Variants in RPS3A observed in about 807,000 individuals in gnomAD.
RPS3A encodes small ribosomal subunit protein eS1.
Under a neutral mutation model 26.4 loss-of-function variants are expected in RPS3A, and 1 was observed. The ratio of observed to expected loss-of-function variants is 0.04; its 90% CI spans 0.01 to 0.18. RPS3A has a LOEUF of 0.18. Among genes scored for constraint, RPS3A ranks in the 10% least tolerant of loss-of-function variants. The pLI is 1.00. For missense variants in RPS3A, 139 were observed against 326.8 expected, an observed-to-expected ratio of 0.43 and a Z score of 4.43; for synonymous variants, 97 against 106.1, an observed-to-expected ratio of 0.91 and a Z score of 0.53.
intron 3 of RPS3A, among the ~76,000 whole-genome samples, 175 bp downstream of exon 3, chr4:151,101,337 G>A (rs893013798): frequency 6.6e-6 from 1 of 152,178 alleles, no homozygotes; most frequent in Non-Finnish European, 1.5e-5. Context: ...TAACTCTGGG[G>A]TTGCCACACC....
intron 1 of RPS3A, 137 bp downstream of exon 1, chr4:151,099,851 G>A (rs994621354): frequency 6.4e-6 from 6 of 936,154 alleles, no homozygotes; most frequent in Admixed American, 2.0e-5. Flanking sequence ...GTGCACCCAG[G>A]AACGCGGCCT....
At chr4:151,101,847 C>T (rs914343935) in intron 3 of RPS3A, among the ~76,000 whole-genome samples, 1 of 152,124 alleles carries the variant, frequency 6.6e-6, no homozygotes, top group Non-Finnish European at 1.5e-5. Context: ...ATTCTCATGC[C>T]TCAGCCTCCC....
rs781597345 is a variant in RPS3A, at chr4:151,104,211, G to C, written c.598G>C (p.Ala200Pro). 1.9e-6 allele frequency: 3 copies of C among 1,611,950 alleles called. No homozygotes were observed. Among genetic ancestry groups the C allele is most frequent in the African/African-American group, 1.3e-5 (1 of 74,818 alleles). The change falls in exon 5 of 6, where the codon GCT becomes CCT. Residue 200 changes from alanine to proline, a missense_variant. Ala to Pro is a conservative substitution (Grantham distance 27). Around this residue, in one of 3 missense-constraint regions of RPS3A, gnomAD observed 96 missense variants for 209.8 expected, o/e 0.46. Transcript: ENST00000274065. The stretch of plus-strand genomic sequence containing the variant: ...CAGCATTGGAAAAGACATAGAAAAG[G>C]CTTGCCAATCTATTTATCCTCTCCA... ...PDSIGKDIEK[A>P]CQSIYPLHDV...
At chr4:151,104,424 AC>A in intron 5 of RPS3A, 47 bp from the exon 6 acceptor site, 1 of 1,460,504 alleles carries the variant, frequency 6.8e-7, no homozygotes, top group Non-Finnish European at 9.0e-7. Context: ...TTCAAGATAT[AC>A]TAACAGTTTT....
intron 5 of RPS3A, 26 bp from the exon 6 acceptor site, chr4:151,104,446 T>TG: frequency 1.5e-6 from 2 of 1,366,376 alleles, no homozygotes; most frequent in Non-Finnish European, 9.5e-7. Flanking sequence ...TTGGTTTTTT[T>TG]TTTTTTTTTT....
chr4:151,100,779 T>A (rs1006262073), intron 2 of RPS3A, among the ~76,000 whole-genome samples, 191 bp downstream of exon 2: 1 of 152,184 alleles, frequency 6.6e-6, no homozygotes, highest in Non-Finnish European at 1.5e-5. Context: ...GCTTTTTGAA[T>A]TAAGAAAATG....
intron 4 of RPS3A, 71 bp from the exon 5 acceptor site, chr4:151,104,106 C>T: frequency 6.8e-7 from 1 of 1,474,798 alleles, no homozygotes; most frequent in Non-Finnish European, 9.0e-7. Context: ...GGCTTCTCTA[C>T]TTTTAAAGGA....
rs191265801 is a variant in RPS3A at position 151,103,877 on chromosome 4, C to T, written c.564-300C>T. 8 of 1,432,158 alleles carry T rather than the reference C, an allele frequency of 5.6e-6. No individual in the cohort carries two copies. The South Asian group carries it at 6.8e-5, about 12-fold the overall frequency. The allele number at this position is 1,432,158 out of a possible 1,614,324, so 88.7% of individuals were successfully genotyped here. On this transcript the variant is annotated intron_variant, in intron 4 of 5. Transcript: ENST00000274065. ...CCCAGATGATGGCCAGTGATAACAA[C>T]ATTTTTCTGATGTTCCCATGCAATA...
intron 4 of RPS3A, chr4:151,103,742 TA>T: frequency 1.7e-6 from 2 of 1,159,172 alleles, no homozygotes; most frequent in East Asian, 6.2e-5. Context: ...TCCCAAAAAA[TA>T]AAAAATATAC....
rs373132158 is a variant in RPS3A, at chr4:151,099,640, T to C, written c.-13T>C. On this transcript the variant is annotated 5_prime_UTR_variant, in exon 1 of 6. Coordinates refer to ENST00000274065, the MANE Select transcript of RPS3A (RefSeq NM_001006.5). The stretch of plus-strand genomic sequence containing the variant: ...ACTCCCACTTCCGCCCTTTTGGCTC[T>C]CTGACCAGCACCATGGCGGTTGGCA... The C allele has an allele frequency of 6.2e-7, 1 of 1,613,478 alleles. No individual in the cohort carries two copies. The highest frequency in any genetic ancestry group is 1.1e-5 in the South Asian group (1 of 90,976).
intron 1 of RPS3A, chr4:151,099,983 C>G: frequency 1.5e-6 from 1 of 651,806 alleles, no homozygotes; most frequent in Non-Finnish European, 2.8e-6. Context: ...TTTGTGGGCT[C>G]ACGAGCTGCC....
rs888445822 is a variant in RPS3A at position 151,100,072 on chromosome 4, A to G, written c.62+358A>G. On this transcript the variant is annotated intron_variant, in intron 1 of 5. Coordinates refer to ENST00000274065, the MANE Select transcript of RPS3A (RefSeq NM_001006.5). Reference sequence around the variant, plus strand: ...CCTTCTATCCATTCAGGACCCGTCAATCTCGCCTTTGCTTGGTCCCGCTGG... The same window carrying G: ...CCTTCTATCCATTCAGGACCCGTCAGTCTCGCCTTTGCTTGGTCCCGCTGG... 101 of 545,596 alleles carry G rather than the reference A, an allele frequency of 1.9e-4. 1 individual carries two copies. The highest frequency in any genetic ancestry group is 1.4e-3 in the East Asian group (31 of 22,242). The allele number at this position is 545,596 out of a possible 1,614,324, so 33.8% of individuals were successfully genotyped here. A position where few individuals can be genotyped will look rare whatever the true frequency, so the allele number is the denominator to read the frequency against.
intron 1 of RPS3A, 73 bp from the exon 2 acceptor site, chr4:151,100,412 A>T: frequency 3.5e-6 from 3 of 845,948 alleles, no homozygotes; most frequent in Non-Finnish European, 5.9e-6. Context: ...TATTAATGGG[A>T]AATACCATTA....
rs1362550034 is a variant in RPS3A at position 151,103,613 on chromosome 4, C to G, written c.563+534C>G. On this transcript the variant is annotated intron_variant, in intron 4 of 5. Transcript: ENST00000274065. ...GTTTTTCCCCTACTTGGAAAATACA[C>G]TGAATAAGTTGAGTGGGGTGGGATG... 8 of 1,050,662 alleles carry G rather than the reference C, an allele frequency of 7.6e-6. No individual in the cohort carries two copies. In the South Asian group the frequency reaches 2.0e-4, roughly 26 times the overall value. The allele number at this position is 1,050,662 out of a possible 1,614,324, so 65.1% of individuals were successfully genotyped here. A position where few individuals can be genotyped will look rare whatever the true frequency, so the allele number is the denominator to read the frequency against.
intron 2 of RPS3A, 39 bp from the exon 3 acceptor site, chr4:151,100,936 G>A: frequency 6.9e-7 from 1 of 1,447,670 alleles, no homozygotes; most frequent in Non-Finnish European, 9.4e-7. Flanking sequence ...TGCTTATATG[G>A]TTCCTAAATG....
At position 151,104,530 on chromosome 4, in the gene RPS3A, C is replaced by T. The variant is rs1325002872; in HGVS notation, c.732C>T (p.Asp244=). ...EGSSSGKATG[D]ETGAKVERAD... ...GTAGTTCTGGAAAAGCCACTGGGGA[C>T]GAGACAGGTGCTAAAGTTGAACGAG... is the stretch of plus-strand genomic sequence containing the variant. The change falls in exon 6 of 6, where the codon GAC becomes GAT. Residue 244 remains aspartate, a synonymous_variant. Transcript: ENST00000274065. 9 of 1,496,878 alleles carry T rather than the reference C, an allele frequency of 6.0e-6. No individual in the cohort carries two copies. The Admixed American group carries it at 6.7e-5, about 11-fold the overall frequency. 92.7% of individuals were successfully genotyped at this position (1,496,878 alleles called of 1,614,324 possible).
chr4:151,104,111 A>T, intron 4 of RPS3A, 66 bp from the exon 5 acceptor site: 1 of 1,451,418 alleles, frequency 6.9e-7, no homozygotes, highest in Non-Finnish European at 9.1e-7. Flanking sequence ...CTCTACTTTT[A>T]AAGGAAATGG....
At chr4:151,104,392 G>C (rs1327126991) in intron 5 of RPS3A, 80 bp from the exon 6 acceptor site, 3 of 1,456,176 alleles carry the variant, frequency 2.1e-6, no homozygotes, top group Non-Finnish European at 2.7e-6. Context: ...TGTCATGCTT[G>C]CATAGTAGTG....
chr4:151,104,011 A>C, intron 4 of RPS3A, 166 bp from the exon 5 acceptor site: 2 of 1,497,072 alleles, frequency 1.3e-6, no homozygotes, highest in South Asian at 1.3e-5. Context: ...TATCCTTTAC[A>C]TGTGAAAGGT....
Sources: gnomAD v4.1 joint callset for allele counts (sites outside exome capture counted in the v4.1 genomes callset) on GRCh38, gnomAD v4.1.1 for gene constraint, gnomAD v4.1.1 regional missense constraint, MANE v1.5 for transcripts, NCBI Gene and HGNC (gene_info 2026-07-23, HGNC 2026-07-21) for gene names.